SAMD12: variants seen among roughly 807,000 people sequenced by gnomAD.
The protein encoded by SAMD12 is sterile alpha motif domain-containing protein 12.
SAMD12 carries 9 observed loss-of-function variants against 15.0 expected under a neutral mutation model. The observed-to-expected ratio is 0.60, with a 90% CI of 0.36 to 1.05. SAMD12 has a LOEUF of 1.05. SAMD12 is among the 50% of genes least tolerant of loss of function. The pLI, the probability that SAMD12 is intolerant of heterozygous loss-of-function variation, is 0.01. For missense variants in SAMD12, 230 were observed against 234.2 expected, an observed-to-expected ratio of 0.98 and a Z score of 0.12; for synonymous variants, 86 against 90.1, an observed-to-expected ratio of 0.96 and a Z score of 0.25.
At chr8:118,424,866 A>T (rs1586704946) in intron 3 of SAMD12, among the ~76,000 whole-genome samples, 2 of 152,082 alleles carry the variant, frequency 1.3e-5, no homozygotes, top group South Asian at 2.1e-4. Flanking sequence ...CTAATTTTTG[A>T]TCTCCCAATA....
At chr8:118,444,003 G>A (rs1281909386) in intron 2 of SAMD12, among the ~76,000 whole-genome samples, 3 of 152,128 alleles carry the variant, frequency 2.0e-5, no homozygotes, top group African/African-American at 4.8e-5. Flanking sequence ...GCCTTCGACC[G>A]CCTCGTCTCC....
intron 4 of SAMD12, among the ~76,000 whole-genome samples, chr8:118,372,751 G>C (rs1028483015): frequency 6.6e-6 from 1 of 152,144 alleles, no homozygotes; most frequent in African/African-American, 2.4e-5. Flanking sequence ...TGGTGCAAAA[G>C]TAATTGCAGT....
intron 4 of SAMD12, among the ~76,000 whole-genome samples, chr8:118,251,118 G>T (rs1239227720): frequency 6.6e-6 from 1 of 152,134 alleles, no homozygotes; most frequent in Non-Finnish European, 1.5e-5. Flanking sequence ...GCATAGGGGT[G>T]CCGTGAGTGA....
At chr8:118,455,433 T>TA (rs1185106155) in intron 2 of SAMD12, among the ~76,000 whole-genome samples, 1 of 152,204 alleles carries the variant, frequency 6.6e-6, no homozygotes, top group Admixed American at 6.5e-5. Flanking sequence ...TCTACCGCAC[T>TA]AGTTAGTCCT....
At chr8:118,224,039 G>A (rs1812136320) in intron 4 of SAMD12, among the ~76,000 whole-genome samples, 1 of 152,212 alleles carries the variant, frequency 6.6e-6, no homozygotes, top group African/African-American at 2.4e-5. Context: ...ACAGAAAAAA[G>A]TAATTCTTGT....
chr8:118,345,393 T>A (rs1817583984), intron 4 of SAMD12, among the ~76,000 whole-genome samples: 1 of 152,170 alleles, frequency 6.6e-6, no homozygotes, highest in South Asian at 2.1e-4. Flanking sequence ...AATGCATGAC[T>A]GTATAAGCAA....
intron 4 of SAMD12, among the ~76,000 whole-genome samples, chr8:118,235,776 G>A (rs1001813693): frequency 6.6e-6 from 1 of 152,094 alleles, no homozygotes; most frequent in Non-Finnish European, 1.5e-5. Context: ...TGGGAAACAG[G>A]CAAATAAACA....
At chr8:118,621,765 G>T (rs764771296) in intron 1 of SAMD12, 39 bp downstream of exon 1, 1 of 1,611,986 alleles carries the variant, frequency 6.2e-7, no homozygotes, top group South Asian at 1.1e-5. Context: ...GGGTGCGCGG[G>T]TTAAGAGGGA....
intron 3 of SAMD12, among the ~76,000 whole-genome samples, chr8:118,434,169 G>A (rs111726272): frequency 9.9e-5 from 15 of 152,160 alleles, no homozygotes; most frequent in African/African-American, 3.6e-4. Flanking sequence ...CAATTTCAAG[G>A]TGCTACATCT....
chr8:118,438,420 A>ATTT (rs1554663497), intron 3 of SAMD12, among the ~76,000 whole-genome samples: 4 of 151,516 alleles, frequency 2.6e-5, no homozygotes, highest in Admixed American at 2.6e-4. Context: ...TTTAAAAAAA[A>ATTT]TTTTTTTTAA....
At chr8:118,574,936 C>T (rs780164001) in intron 2 of SAMD12, among the ~76,000 whole-genome samples, 45 of 152,176 alleles carry the variant, frequency 3.0e-4, no homozygotes, top group Non-Finnish European at 4.7e-4. Flanking sequence ...TTGCAACAGA[C>T]CTTCTCAAAG....
intron 1 of SAMD12, among the ~76,000 whole-genome samples, chr8:118,596,222 C>T (rs747947411): frequency 6.6e-6 from 1 of 152,156 alleles, no homozygotes. Flanking sequence ...ATACATGTGT[C>T]CTTGTTCGCT....
At chr8:118,416,651 TACTC>T (rs1331281402) in intron 3 of SAMD12, among the ~76,000 whole-genome samples, 5 of 152,212 alleles carry the variant, frequency 3.3e-5, no homozygotes, top group Non-Finnish European at 7.3e-5. Flanking sequence ...TGACCAGTAT[TACTC>T]ACGATAACCA....
the SAMD12 span, among the ~76,000 whole-genome samples, chr8:118,173,633 C>CT: frequency 0.56 from 77,570 of 139,276 alleles, 22,579 homozygotes; most frequent in Middle Eastern, 0.65. Context: ...ATATCCATAA[C>CT]TTTTTTTTTT....
intron 2 of SAMD12, among the ~76,000 whole-genome samples, chr8:118,534,145 C>G (rs1020687003): frequency 2.6e-5 from 4 of 152,262 alleles, no homozygotes; most frequent in African/African-American, 7.2e-5. Context: ...CTGGTGGTGA[C>G]AAAATCTCTC....
chr8:118,449,621 A>G (rs141789790), intron 2 of SAMD12, among the ~76,000 whole-genome samples: 6,307 of 151,356 alleles, frequency 0.042, 336 homozygotes, highest in African/African-American at 0.12. Flanking sequence ...ACCACAATGA[A>G]ACCCCGTCTC....
intron 4 of SAMD12, among the ~76,000 whole-genome samples, chr8:118,328,042 T>C (rs1816643784): frequency 1.3e-5 from 2 of 152,356 alleles, no homozygotes; most frequent in South Asian, 4.1e-4. Flanking sequence ...AGTTCATATA[T>C]GTCAGTAATT....
At chr8:118,433,987 C>T (rs1366005236) in intron 3 of SAMD12, among the ~76,000 whole-genome samples, 1 of 152,154 alleles carries the variant, frequency 6.6e-6, no homozygotes, top group African/African-American at 2.4e-5. Flanking sequence ...CTACAGGGAA[C>T]TCTAACCATA....
At chr8:118,431,689 T>C (rs1329972292) in intron 3 of SAMD12, among the ~76,000 whole-genome samples, 1 of 85,518 alleles carries the variant, frequency 1.2e-5, no homozygotes, top group Non-Finnish European at 2.1e-5. Context: ...ACCTTTGTCG[T>C]GTGTGTGTGT....
Sources: allele counts gnomAD v4.1 joint callset (sites outside exome capture counted in the v4.1 genomes callset), GRCh38; gene constraint gnomAD v4.1.1; transcripts MANE v1.5; gene names NCBI Gene and HGNC (gene_info 2026-07-23, HGNC 2026-07-21).